The following SLC37A1 variants were observed in gnomAD, a reference collection of about 807,000 sequenced individuals.
SLC37A1 encodes solute carrier family 37 member 1.
Under a neutral mutation model 75.3 loss-of-function variants are expected in SLC37A1, and 49 were observed. The observed-to-expected ratio is 0.65, with a 90% CI of 0.52 to 0.83. The LOEUF is 0.83. Among genes scored for constraint, SLC37A1 ranks in the 40% least tolerant of loss-of-function variants. The probability of loss-of-function intolerance (pLI) is 0.00; values close to 1 mark genes in which losing one functional copy is unlikely to be tolerated. For missense variants in SLC37A1, 566 were observed against 695.0 expected (o/e 0.81, Z 2.09); for synonymous variants, 268 against 292.1 (o/e 0.92, Z 0.84).
At chr21:42,568,270 A>C in intron 16 of SLC37A1, 90 bp from the exon 17 acceptor site, 7 of 994,624 alleles carry the variant, frequency 7.0e-6, no homozygotes, top group Non-Finnish European at 1.1e-5. Flanking sequence ...GTTGTTTTGC[A>C]GAGCAGTTTG....
chr21:42,563,560 C>T (rs2055891190), intron 12 of SLC37A1, among the ~76,000 whole-genome samples: 1 of 152,184 alleles, frequency 6.6e-6, no homozygotes, highest in Admixed American at 6.5e-5. Flanking sequence ...GGCGGAGGGG[C>T]CCCTGGGGGG....
At chr21:42,511,382 C>G (rs550488610), upstream of SLC37A1, among the ~76,000 whole-genome samples, 19 of 152,272 alleles carry the variant, frequency 1.2e-4, no homozygotes, top group African/African-American at 4.3e-4. Flanking sequence ...ATAGCTGTAT[C>G]TACACAATGG....
intron 17 of SLC37A1, among the ~76,000 whole-genome samples, chr21:42,572,732 C>T (rs984991753): frequency 5.6e-5 from 8 of 142,250 alleles, no homozygotes; most frequent in Admixed American, 2.9e-4. Flanking sequence ...TGTTGGCTCT[C>T]TGGGGGGAGG....
intron 9 of SLC37A1, among the ~76,000 whole-genome samples, chr21:42,551,601 G>A (rs1448593835): frequency 6.6e-6 from 1 of 152,188 alleles, no homozygotes; most frequent in South Asian, 2.1e-4. Flanking sequence ...TGTGAATTCT[G>A]TCTCAACAAT....
chr21:42,522,976 A>C (rs1241852211), intron 2 of SLC37A1, among the ~76,000 whole-genome samples: 1 of 152,238 alleles, frequency 6.6e-6, no homozygotes, highest in Non-Finnish European at 1.5e-5. Flanking sequence ...TGATCACCCA[A>C]GCAGCCCTGA....
intron 3 of SLC37A1, 87 bp from the exon 4 acceptor site, chr21:42,534,611 A>T: frequency 6.7e-7 from 1 of 1,484,826 alleles, no homozygotes; most frequent in Non-Finnish European, 9.1e-7. Flanking sequence ...CTGGGAGAGG[A>T]GGGGTGACTG....
In SLC37A1 at chr21:42,563,861, C is replaced by T. The variant is rs750906699; in HGVS notation, c.1119C>T (p.Asp373=). The change falls in exon 13 of 20, where the codon GAC becomes GAT. Residue 373 remains aspartate, a synonymous_variant. Transcript: ENST00000352133. ...KKAGELSTLF[D]VGGIFGGILA... is the part of the protein sequence containing the mutation. The stretch of plus-strand genomic sequence containing the variant: ...CGGGGGAGCTCTCCACCCTGTTTGA[C>T]GTGGGCGGAATCTTTGGTGAGTTCA... 5 of 1,614,134 alleles carry T rather than the reference C, an allele frequency of 3.1e-6. No individual in the cohort carries two copies. Among genetic ancestry groups the T allele is most frequent in the African/African-American group, 1.3e-5 (1 of 75,024 alleles).
At chr21:42,575,726 AACTC>A (rs1211967953) in intron 18 of SLC37A1, 5 of 985,334 alleles carry the variant, frequency 5.1e-6, no homozygotes, top group Non-Finnish European at 6.0e-6. Flanking sequence ...CAGAAATATC[AACTC>A]ACTCAATTAA....
upstream of SLC37A1, among the ~76,000 whole-genome samples, chr21:42,513,422 T>G (rs76400566): frequency 6.6e-6 from 1 of 152,104 alleles, no homozygotes; most frequent in Non-Finnish European, 1.5e-5. Context: ...CCCCTTGACA[T>G]GACACAATAG....
At chr21:42,563,943 T>C in intron 13 of SLC37A1, 66 bp downstream of exon 13, 1 of 1,558,444 alleles carries the variant, frequency 6.4e-7, no homozygotes, top group Non-Finnish European at 8.8e-7. Flanking sequence ...TCTGAGTTGA[T>C]TCACTGCTCA....
chr21:42,543,609 G>A lies in SLC37A1; in HGVS notation c.730+7G>A, dbSNP rs374085102. The A allele has an allele frequency of 3.0e-5, 48 of 1,587,510 alleles. No individual in the cohort carries two copies. The highest frequency in any genetic ancestry group is 4.0e-5 in the Non-Finnish European group (47 of 1,165,310). ...TTTCTCTTCCTCATTGAACGTAAGT[G>A]CACGTGGCCTTGGAGACCACCCACC... On this transcript the variant is annotated splice_region_variant and intron_variant, in intron 8 of 19. Coordinates refer to ENST00000352133, the MANE Select transcript of SLC37A1 (RefSeq NM_001320537.2).
chr21:42,551,822 TGTTTTGTTTTG>T (rs1207860617), intron 9 of SLC37A1, among the ~76,000 whole-genome samples: 3 of 150,066 alleles, frequency 2.0e-5, no homozygotes, highest in African/African-American at 7.5e-5. Context: ...TGTTTTGTTT[TGTTTTGTTTTG>T]TTTTTTTGGT....
intron 2 of SLC37A1, among the ~76,000 whole-genome samples, chr21:42,522,189 T>G (rs895235640): frequency 1.3e-5 from 2 of 152,238 alleles, no homozygotes; most frequent in African/African-American, 4.8e-5. Flanking sequence ...CATGTCTACA[T>G]GACCCTATTT....
intron 18 of SLC37A1, among the ~76,000 whole-genome samples, chr21:42,578,631 T>A (rs1278265036): frequency 6.6e-6 from 1 of 152,188 alleles, no homozygotes; most frequent in African/African-American, 2.4e-5. Context: ...CCAGCACTAT[T>A]GTTCGTACCT....
At chr21:42,528,573 C>CCCAG (rs2054859992) in intron 3 of SLC37A1, among the ~76,000 whole-genome samples, 1 of 152,218 alleles carries the variant, frequency 6.6e-6, no homozygotes. Context: ...CGCCTGTAAT[C>CCCAG]CCAGCACTTT....
intron 8 of SLC37A1, among the ~76,000 whole-genome samples, chr21:42,546,048 G>A (rs1167079895): frequency 6.6e-6 from 1 of 152,230 alleles, no homozygotes; most frequent in Admixed American, 6.5e-5. Context: ...GAATGGACTT[G>A]GCTGTGGGGA....
intron 2 of SLC37A1, among the ~76,000 whole-genome samples, chr21:42,520,082 T>C (rs1188517714): frequency 2.0e-5 from 3 of 152,206 alleles, no homozygotes; most frequent in Admixed American, 2.0e-4. Flanking sequence ...TACTTCCGTG[T>C]GTATTTCCTA....
intron 2 of SLC37A1, among the ~76,000 whole-genome samples, chr21:42,505,141 A>T (rs552123395): frequency 1.6e-4 from 24 of 152,260 alleles, no homozygotes; most frequent in African/African-American, 5.5e-4. Context: ...AAAACCACAC[A>T]TCTAATCACG....
In SLC37A1 at chr21:42,575,053, G is replaced by A. The variant is rs558565147; in HGVS notation, c.1521+138G>A. 2.1e-3 allele frequency: 3,058 copies of A among 1,449,066 alleles called. 8 individuals carry two copies. Among genetic ancestry groups the A allele is most frequent in the Non-Finnish European group, 2.6e-3 (2,859 of 1,101,940 alleles). 89.8% of individuals were successfully genotyped at this position (1,449,066 alleles called of 1,614,324 possible). ...GTCTTCCCATCTTTTCTAAATATGC[G>A]TGGTCTAAAGCTCCTTCTCTCTCTG... On this transcript the variant is annotated intron_variant, in intron 18 of 19. Transcript: ENST00000352133.
Sources: gnomAD v4.1 joint callset for allele counts (sites outside exome capture counted in the v4.1 genomes callset) on GRCh38, gnomAD v4.1.1 for gene constraint, MANE v1.5 for transcripts, NCBI Gene and HGNC (gene_info 2026-07-23, HGNC 2026-07-21) for gene names.